Variants in UBXN7 observed in about 807,000 individuals in gnomAD.
The protein encoded by UBXN7 is UBX domain protein 7, also known as UBX domain-containing protein 7.
UBXN7 carries 9 observed loss-of-function variants against 58.0 expected under a neutral mutation model. The ratio of observed to expected loss-of-function variants is 0.16; its 90% confidence interval spans 0.09 to 0.27. The LOEUF is 0.27. Among genes scored for constraint, UBXN7 ranks in the 10% least tolerant of loss-of-function variants. UBXN7 has a pLI of 1.00. For missense variants in UBXN7, 328 were observed against 599.6 expected (o/e 0.55, Z 4.73); for synonymous variants, 208 against 205.0 (o/e 1.01, Z -0.12).
At chr3:196,371,817 T>C in intron 6 of UBXN7, 79 bp downstream of exon 6, 1 of 1,525,054 alleles carries the variant, frequency 6.6e-7, no homozygotes, top group Non-Finnish European at 8.8e-7. Flanking sequence ...TAATTCATTA[T>C]AACCCAATTC....
chr3:196,360,314 T>C (rs942231074), intron 10 of UBXN7, among the ~76,000 whole-genome samples: 22 of 152,330 alleles, frequency 1.4e-4, no homozygotes, highest in Middle Eastern at 3.4e-3. Flanking sequence ...TCAAGGACTT[T>C]CACAGCTAGA....
At chr3:196,402,686 C>T (rs1345818136) in intron 3 of UBXN7, among the ~76,000 whole-genome samples, 1 of 152,150 alleles carries the variant, frequency 6.6e-6, no homozygotes, top group Non-Finnish European at 1.5e-5. Context: ...TAATCAGAAT[C>T]TTTTCATTAT....
chr3:196,387,929 A>C (rs1306383956), intron 5 of UBXN7, among the ~76,000 whole-genome samples: 3 of 152,186 alleles, frequency 2.0e-5, no homozygotes, highest in African/African-American at 7.2e-5. Flanking sequence ...TTGACCCAGC[A>C]ATCCTATTAC....
intron 6 of UBXN7, among the ~76,000 whole-genome samples, chr3:196,370,857 CAA>C (rs11347018): frequency 9.5e-4 from 82 of 86,280 alleles, no homozygotes; most frequent in East Asian, 4.4e-3. Context: ...CCCATCTCTA[CAA>C]AAAAAAAAAA....
In UBXN7 at chr3:196,396,680, G is replaced by A. The variant is rs1369862063; in HGVS notation, c.290-3061C>T. Among the ~76,000 whole-genome samples, 5 of 152,038 alleles carry A rather than the reference G, an allele frequency of 3.3e-5. No homozygotes were observed. In the South Asian group the frequency reaches 1.0e-3, roughly 32 times the overall value. On this transcript the variant is annotated intron_variant, in intron 3 of 10. Coordinates refer to ENST00000296328, the MANE Select transcript of UBXN7 (RefSeq NM_015562.2). Reference sequence around the variant, plus strand: ...CGGGAGGCTGAGGCAGGAGAACAGCGTGAACCCAGGAGGTGGAGCTTGCAG... The same window carrying A: ...CGGGAGGCTGAGGCAGGAGAACAGCATGAACCCAGGAGGTGGAGCTTGCAG...
Position 196,349,815 on chromosome 3 carries a change from A to C in UBXN7, c.*6870T>G, listed in dbSNP as rs962816686. 1 of 152,246 alleles carries C rather than the reference A, an allele frequency of 6.6e-6. No homozygotes were observed. The highest frequency in any genetic ancestry group is 6.5e-5 in the Admixed American group (1 of 15,288). 9.4% of individuals were successfully genotyped at this position (152,246 alleles called of 1,614,324 possible). A position where few individuals can be genotyped will look rare whatever the true frequency, so the allele number is the denominator to read the frequency against. Reference sequence around the variant, plus strand: ...TATGTTTCCCATTTATCATGTCTAAAAAATGAATGACTCATGCTAACCCAG... The same window carrying C: ...TATGTTTCCCATTTATCATGTCTAACAAATGAATGACTCATGCTAACCCAG... On this transcript the variant is annotated 3_prime_UTR_variant, in exon 11 of 11. Transcript: ENST00000296328.
In UBXN7 at chr3:196,378,146, C is replaced by T. The variant is rs78413333; in HGVS notation, c.469-6104G>A. ...TCTGTTTCTCCTACTAGATTATAAA[C>T]GCTACAATGGCAAGGATTTTATATA... On this transcript the variant is annotated intron_variant, in intron 5 of 10. Coordinates refer to ENST00000296328, the MANE Select transcript of UBXN7 (RefSeq NM_015562.2). Among the ~76,000 whole-genome samples the T allele has an allele frequency of 4.3e-3, 650 of 152,226 alleles. 5 individuals are homozygous for T. The highest frequency in any genetic ancestry group is 0.014 in the African/African-American group (601 of 41,550).
At position 196,370,225 on chromosome 3, in the gene UBXN7, C is replaced by T. The variant is rs140972836; in HGVS notation, c.616-714G>A. 6.1e-3 allele frequency among the ~76,000 whole-genome samples: 922 copies of T among 151,164 alleles called. 5 individuals are homozygous for T. Among genetic ancestry groups the T allele is most frequent in the African/African-American group, 0.021 (864 of 41,264 alleles). The stretch of plus-strand genomic sequence containing the variant: ...GGCAGAGGCAGAGGACAGCTTGAGG[C>T]CAGGAGTTTGAGACCAGCCTGGGCA... On this transcript the variant is annotated intron_variant, in intron 6 of 10. Transcript: ENST00000296328.
rs1018574937 is a variant in UBXN7, at chr3:196,370,151, A to G, written c.616-640T>C. 4.8e-5 allele frequency among the ~76,000 whole-genome samples: 7 copies of G among 144,960 alleles called. No individual in the cohort carries two copies. The South Asian group carries it at 1.5e-3, about 32-fold the overall frequency. Reference sequence around the variant, plus strand: ...TCAAAAAAAAAAAAAAAAAAAAAAGATTATGGCTCCACATGGTGGCTCGCA... The same window carrying G: ...TCAAAAAAAAAAAAAAAAAAAAAAGGTTATGGCTCCACATGGTGGCTCGCA... On this transcript the variant is annotated intron_variant, in intron 6 of 10. Coordinates refer to ENST00000296328, the MANE Select transcript of UBXN7 (RefSeq NM_015562.2).
intron 2 of UBXN7, among the ~76,000 whole-genome samples, chr3:196,406,565 G>A (rs974400345): frequency 6.6e-6 from 1 of 151,714 alleles, no homozygotes; most frequent in African/African-American, 2.4e-5. Flanking sequence ...TCAGCCTCCC[G>A]AGTAGCTGGG....
chr3:196,397,885 C>G (rs778333502), intron 3 of UBXN7: 22 of 152,212 alleles, frequency 1.4e-4, no homozygotes, highest in Non-Finnish European at 3.1e-4. Flanking sequence ...AAAGTGGAAT[C>G]TGAAATCTTA....
intron 1 of UBXN7, among the ~76,000 whole-genome samples, chr3:196,429,528 T>G (rs1485705584): frequency 6.6e-6 from 1 of 152,196 alleles, no homozygotes; most frequent in African/African-American, 2.4e-5. Context: ...AGGACTCACA[T>G]TTTTGATGAT....
rs1246105659 is a variant in UBXN7, at chr3:196,352,213, GTCTC to G, written c.*4468_*4471del. The G allele has an allele frequency of 6.6e-6, 1 of 152,144 alleles. No individual in the cohort carries two copies. Among genetic ancestry groups the G allele is most frequent in the East Asian group, 1.9e-4 (1 of 5,200 alleles). 9.4% of individuals were successfully genotyped at this position (152,144 alleles called of 1,614,324 possible). On this transcript the variant is annotated 3_prime_UTR_variant, in exon 11 of 11. Transcript: ENST00000296328. This position sits in a 1 kb window ranked among gnomAD's most constrained non-coding sequence, Gnocchi z 4.1. Reference sequence around the variant, plus strand: ...TCTCCAATTATTTCATGTGTAGTGTGTCTCTCTAACTGGATAAAACAGGCAGGAA... The same window carrying G: ...TCTCCAATTATTTCATGTGTAGTGTGTCTAACTGGATAAAACAGGCAGGAA...
intron 1 of UBXN7, chr3:196,416,008 T>C (rs903844008): frequency 2.6e-5 from 4 of 152,200 alleles, no homozygotes; most frequent in Non-Finnish European, 5.9e-5. Context: ...ATTTTGGCTC[T>C]TGTCTAAGTG....
chr3:196,375,145 T>C (rs574881741), intron 5 of UBXN7, among the ~76,000 whole-genome samples: 7 of 150,036 alleles, frequency 4.7e-5, no homozygotes, highest in East Asian at 2.0e-4. Flanking sequence ...GTATTATACA[T>C]TGAAAATGTG....
chr3:196,389,578 C>G (rs988383059), intron 5 of UBXN7, among the ~76,000 whole-genome samples: 1 of 152,156 alleles, frequency 6.6e-6, no homozygotes, highest in African/African-American at 2.4e-5. Context: ...GGGGCAGACC[C>G]CTAGTGAATG....
chr3:196,364,216 G>T (rs1349559946), intron 8 of UBXN7, among the ~76,000 whole-genome samples: 3 of 152,036 alleles, frequency 2.0e-5, no homozygotes, highest in Non-Finnish European at 4.4e-5. Context: ...CACAAAATAC[G>T]TTGTTTGAGT....
chr3:196,422,401 C>T (rs1730716923), intron 1 of UBXN7, among the ~76,000 whole-genome samples: 1 of 151,676 alleles, frequency 6.6e-6, no homozygotes, highest in Admixed American at 6.6e-5. Flanking sequence ...GGATTATTGA[C>T]CCCAGGAGCT....
chr3:196,361,795 T>G, intron 10 of UBXN7, 49 bp downstream of exon 10: 2 of 1,521,294 alleles, frequency 1.3e-6, no homozygotes, highest in Non-Finnish European at 1.8e-6. Context: ...AATTTGGGAC[T>G]CGTCTTATTG....
Sources: allele counts gnomAD v4.1 joint callset (sites outside exome capture counted in the v4.1 genomes callset), GRCh38; gene constraint gnomAD v4.1.1; non-coding constraint Gnocchi (gnomAD v3.1); transcripts MANE v1.5; gene names NCBI Gene and HGNC (gene_info 2026-07-23, HGNC 2026-07-21).